The following IPCEF1 variants were observed in gnomAD, a reference collection of about 807,000 sequenced individuals.
IPCEF1 encodes interaction protein for cytohesin exchange factors 1.
A neutral mutation model predicts 50.9 loss-of-function variants in IPCEF1; 31 were observed. That is an observed-to-expected ratio of 0.61 (90% CI 0.46 to 0.82). IPCEF1 has a LOEUF of 0.82. Ranked by LOEUF, IPCEF1 falls within the 40% of genes least tolerant of loss-of-function variation. IPCEF1 has a pLI of 0.00. For synonymous variants in IPCEF1, 181 were observed against 192.0 expected, an observed-to-expected ratio of 0.94 and a Z score of 0.47; for missense variants, 458 against 514.0, an observed-to-expected ratio of 0.89 and a Z score of 1.05.
intron 5 of IPCEF1, among the ~76,000 whole-genome samples, chr6:154,227,146 G>A (rs1249809055): frequency 6.6e-6 from 1 of 152,112 alleles, no homozygotes; most frequent in Non-Finnish European, 1.5e-5. Context: ...AGAGGTTGCA[G>A]TGAGCCAAGA....
At chr6:154,248,977 G>A (rs999801021) in intron 3 of IPCEF1, among the ~76,000 whole-genome samples, 2 of 152,040 alleles carry the variant, frequency 1.3e-5, no homozygotes, top group Non-Finnish European at 2.9e-5. Flanking sequence ...CGAAGCTAAA[G>A]TGTTTAAATT....
At chr6:154,248,306 C>CGTGT (rs58415100) in intron 3 of IPCEF1, among the ~76,000 whole-genome samples, 4,772 of 147,230 alleles carry the variant, frequency 0.032, 118 homozygotes, top group African/African-American at 0.068. Context: ...CTTTAAAATA[C>CGTGT]GTGTGTGTGT....
chr6:154,227,251 A>G (rs1220932096), intron 5 of IPCEF1, among the ~76,000 whole-genome samples: 1 of 152,038 alleles, frequency 6.6e-6, no homozygotes, highest in African/African-American at 2.4e-5. Flanking sequence ...AAAAAAATAA[A>G]AAACAATAGT....
intron 1 of IPCEF1, among the ~76,000 whole-genome samples, chr6:154,316,310 C>A (rs77267984): frequency 6.6e-6 from 1 of 152,082 alleles, no homozygotes; most frequent in Non-Finnish European, 1.5e-5. Flanking sequence ...CTTTTATATG[C>A]ACTGGGAAAC....
rs559273239 is a variant in IPCEF1 at position 154,194,092 on chromosome 6, C to A, written c.910+5576G>T. On this transcript the variant is annotated intron_variant, in intron 10 of 11. Coordinates refer to ENST00000367220, the MANE Select transcript of IPCEF1 (RefSeq NM_001130700.2). ...GGGCAGATCACTGTTAATACCCGCT[C>A]CTCAACGTTTCAAACTGTTTTACAT... Among the ~76,000 whole-genome samples, 5 of 152,290 alleles carry A rather than the reference C, an allele frequency of 3.3e-5. No individual in the cohort carries two copies. The South Asian group carries it at 1.0e-3, about 32-fold the overall frequency.
intron 9 of IPCEF1, among the ~76,000 whole-genome samples, chr6:154,206,615 A>G (rs1246824846): frequency 1.3e-5 from 2 of 152,092 alleles, no homozygotes; most frequent in Non-Finnish European, 2.9e-5. Context: ...GAAAAAAATC[A>G]TCAAAAAAAG....
At position 154,296,467 on chromosome 6, in the gene IPCEF1, C is replaced by A. The variant is rs575188553; in HGVS notation, c.-61-6711G>T. Among the ~76,000 whole-genome samples, 9 of 152,292 alleles carry A rather than the reference C, an allele frequency of 5.9e-5. No homozygotes were observed. The South Asian group carries it at 1.7e-3, about 28-fold the overall frequency. On this transcript the variant is annotated intron_variant, in intron 1 of 11. Transcript: ENST00000367220. ...CTAGAGATTCATTTTTGGCAACTAC[C>A]AACACCCAGGAAAAACTCTGTCTGT...
chr6:154,271,042 A>G (rs1212037705), intron 2 of IPCEF1, among the ~76,000 whole-genome samples: 1 of 152,038 alleles, frequency 6.6e-6, no homozygotes, highest in African/African-American at 2.4e-5. Flanking sequence ...TAGAATTATC[A>G]ATAAAATATT....
intron 10 of IPCEF1, among the ~76,000 whole-genome samples, chr6:154,189,486 A>G (rs1051345970): frequency 2.0e-5 from 3 of 151,184 alleles, no homozygotes; most frequent in Non-Finnish European, 4.4e-5. Context: ...AAAAATGTGC[A>G]AAACACATAA....
At chr6:154,281,912 G>A (rs1394599671) in intron 2 of IPCEF1, among the ~76,000 whole-genome samples, 1 of 152,236 alleles carries the variant, frequency 6.6e-6, no homozygotes, top group Non-Finnish European at 1.5e-5. Context: ...GCTGAGACAG[G>A]AGAATAACCT....
At chr6:154,256,457 G>C (rs768757048) in intron 3 of IPCEF1, among the ~76,000 whole-genome samples, 8 of 152,132 alleles carry the variant, frequency 5.3e-5, no homozygotes, top group Non-Finnish European at 8.8e-5. Flanking sequence ...AGAATTGCAA[G>C]TGAAAAAGTT....
intron 10 of IPCEF1, among the ~76,000 whole-genome samples, chr6:154,190,526 G>A (rs1300112464): frequency 6.6e-6 from 1 of 152,208 alleles, no homozygotes; most frequent in African/African-American, 2.4e-5. Context: ...TGGCAAGGAT[G>A]TGAAGCAACA....
intron 10 of IPCEF1, among the ~76,000 whole-genome samples, chr6:154,186,000 C>A (rs952310263): frequency 1.3e-5 from 2 of 152,214 alleles, no homozygotes; most frequent in African/African-American, 4.8e-5. Context: ...TGCTTGTGTT[C>A]TTTGCGGCCT....
intron 10 of IPCEF1, among the ~76,000 whole-genome samples, chr6:154,191,143 AG>A (rs1276044574): frequency 6.6e-6 from 1 of 152,226 alleles, no homozygotes; most frequent in Non-Finnish European, 1.5e-5. Flanking sequence ...CAATCTGAAA[AG>A]GGTACATACC....
At chr6:154,169,759 C>T (rs779860767) in intron 10 of IPCEF1, among the ~76,000 whole-genome samples, 4 of 152,210 alleles carry the variant, frequency 2.6e-5, no homozygotes, top group Non-Finnish European at 4.4e-5. Flanking sequence ...GTGGACTAGA[C>T]GAGGCCAATG....
At chr6:154,243,602 A>G (rs927459808) in intron 5 of IPCEF1, among the ~76,000 whole-genome samples, 5 of 152,206 alleles carry the variant, frequency 3.3e-5, no homozygotes, top group Non-Finnish European at 7.3e-5. Flanking sequence ...GATCACATGT[A>G]ATTTCAAAGG....
At chr6:154,256,210 A>G (rs1781457194) in intron 3 of IPCEF1, among the ~76,000 whole-genome samples, 3 of 152,140 alleles carry the variant, frequency 2.0e-5, no homozygotes, top group Admixed American at 1.3e-4. Flanking sequence ...TGGTTTACAC[A>G]TGGCCATTTT....
chr6:154,219,172 A>G (rs790262), intron 7 of IPCEF1: 80,157 of 152,020 alleles, frequency 0.53, 22,038 homozygotes, highest in African/African-American at 0.67. Context: ...ATGAAATACA[A>G]CGGATTCAGA....
At chr6:154,278,988 G>A (rs1384580886) in intron 2 of IPCEF1, among the ~76,000 whole-genome samples, 1 of 150,464 alleles carries the variant, frequency 6.6e-6, no homozygotes, top group Non-Finnish European at 1.5e-5. Context: ...AGCTGGTCAT[G>A]GTGGTGTGCA....
Sources: allele counts gnomAD v4.1 joint callset (sites outside exome capture counted in the v4.1 genomes callset), GRCh38; gene constraint gnomAD v4.1.1; transcripts MANE v1.5; gene names NCBI Gene and HGNC (gene_info 2026-07-23, HGNC 2026-07-21).